The following ARMC1 variants were observed in gnomAD, a reference collection of about 807,000 sequenced individuals.
ARMC1 encodes armadillo repeat containing 1.
In ARMC1, 16 loss-of-function variants were observed where a neutral mutation model predicts 31.4. The ratio of observed to expected loss-of-function variants is 0.51; its 90% CI spans 0.34 to 0.77. The LOEUF (loss-of-function observed/expected upper bound fraction) is 0.77, where lower values mean the gene tolerates loss of function less well. Among genes scored for constraint, ARMC1 ranks in the 30% least tolerant of loss-of-function variants. The probability of loss-of-function intolerance (pLI) is 0.01; values close to 1 mark genes in which losing one functional copy is unlikely to be tolerated. For synonymous variants in ARMC1, 114 were observed against 118.9 expected, an observed-to-expected ratio of 0.96 and a Z score of 0.27; for missense variants, 259 against 347.5, an observed-to-expected ratio of 0.75 and a Z score of 2.02.
intron 1 of ARMC1, among the ~76,000 whole-genome samples, chr8:65,631,833 T>C (rs1563422574): frequency 6.7e-6 from 1 of 150,226 alleles, no homozygotes; most frequent in Admixed American, 6.7e-5. Flanking sequence ...ATCTTGCCTG[T>C]GAACAGCCAC....
chr8:65,617,734 A>G (rs934653096), intron 3 of ARMC1, among the ~76,000 whole-genome samples: 1 of 151,816 alleles, frequency 6.6e-6, no homozygotes, highest in African/African-American at 2.4e-5. Context: ...TACTACGCTC[A>G]CTCTCCGGGT....
chr8:65,629,194 T>C (rs1230119134), intron 1 of ARMC1, among the ~76,000 whole-genome samples: 2 of 150,726 alleles, frequency 1.3e-5, no homozygotes, highest in African/African-American at 4.9e-5. Context: ...GTGATATACA[T>C]ACACAATGAC....
rs927221782 is a variant in ARMC1 at position 65,627,359 on chromosome 8, C to A, written c.40G>T (p.Ala14Ser). The A allele has an allele frequency of 1.2e-6, 2 of 1,606,864 alleles. No individual in the cohort carries two copies. Among genetic ancestry groups the A allele is most frequent in the Admixed American group, 3.4e-5 (2 of 58,674 alleles). ...CGTAACTGGTTAACTACCGATAGAG[C>A]GTCAGGCTCTTCACTCATGGTGGAA... The part of the protein sequence containing the change: ...STSTMSEEPD[A>S]LSVVNQLRDL... Residue 14 changes from alanine to serine, a missense_variant, in exon 2 of 7, where the codon GCT (alanine) becomes TCT (serine). Physicochemically the swap from Ala to Ser is moderately conservative, Grantham distance 99 (BLOSUM62 1). Around this residue, in one of 3 missense-constraint regions of ARMC1, gnomAD observed 163 missense variants for 186.7 expected, o/e 0.87. Transcript: ENST00000276569.
In ARMC1 at chr8:65,613,347, A is replaced by T. The variant is rs900148580; in HGVS notation, c.362T>A (p.Phe121Tyr). The T allele has an allele frequency of 2.5e-6, 4 of 1,612,500 alleles. No homozygotes were observed. The African/African-American group carries it at 5.3e-5, about 22-fold the overall frequency. The change falls in exon 4 of 7, where the codon TTT (phenylalanine) becomes TAT (tyrosine). Residue 121 changes from phenylalanine (F) to tyrosine (Y), a missense_variant. This residue lies in a region of ARMC1 where 163 missense variants were observed against 186.7 expected (regional missense o/e 0.87). Coordinates refer to ENST00000276569, the MANE Select transcript of ARMC1 (RefSeq NM_018120.6). ...QSSNMADGDSFNEMNSRRRKA... is the reference protein window; with the variant it reads ...QSSNMADGDSYNEMNSRRRKA... Reference sequence around the variant, plus strand: ...CCTTCGACGTGAATTCATCTCATTAAAACTATCACCATCTGCCATATTGGA... The same window carrying T: ...CCTTCGACGTGAATTCATCTCATTATAACTATCACCATCTGCCATATTGGA...
At chr8:65,619,763 C>T (rs905203585) in intron 3 of ARMC1, among the ~76,000 whole-genome samples, 14 of 151,886 alleles carry the variant, frequency 9.2e-5, no homozygotes, top group Non-Finnish European at 1.0e-4. Context: ...ACGGGCGGAT[C>T]ACCTGAGGTC....
intron 4 of ARMC1, among the ~76,000 whole-genome samples, chr8:65,612,028 C>T (rs112004492): frequency 0.13 from 20,216 of 152,058 alleles, 1,793 homozygotes; most frequent in East Asian, 0.37. Context: ...CCTTGGCCTC[C>T]CAAAGTGCTG....
At position 65,603,880 on chromosome 8, in the gene ARMC1, C is replaced by A. The variant is rs1205582155; in HGVS notation, c.*514G>T. The A allele has an allele frequency of 2.0e-5, 3 of 152,646 alleles. No individual in the cohort carries two copies. Among genetic ancestry groups the A allele is most frequent in the Non-Finnish European group, 2.9e-5 (2 of 68,058 alleles). 9.5% of individuals were successfully genotyped at this position (152,646 alleles called of 1,614,324 possible). ...ATGTCCTTTCTATAAACACGGTTGG[C>A]AAAATAAAAAGGCACAAAAGAGGGT... On this transcript the variant is annotated 3_prime_UTR_variant, in exon 7 of 7. Coordinates refer to ENST00000276569, the MANE Select transcript of ARMC1 (RefSeq NM_018120.6).
rs1287920222 is a variant in ARMC1, at chr8:65,602,695, C to G, written c.*1699G>C. 1 of 152,078 alleles carries G rather than the reference C, an allele frequency of 6.6e-6. No homozygotes were observed. Among genetic ancestry groups the G allele is most frequent in the Non-Finnish European group, 1.5e-5 (1 of 68,014 alleles). The allele number at this position is 152,078 out of a possible 1,614,324, so 9.4% of individuals were successfully genotyped here. A position where few individuals can be genotyped will look rare whatever the true frequency, so the allele number is the denominator to read the frequency against. Reference sequence around the variant, plus strand: ...AAAATAAAATACAAATTTGTTAGAACAGTAAAGTTTGCTTTAATGGCTATA... The same window carrying G: ...AAAATAAAATACAAATTTGTTAGAAGAGTAAAGTTTGCTTTAATGGCTATA... On this transcript the variant is annotated 3_prime_UTR_variant, in exon 7 of 7. Transcript: ENST00000276569.
chr8:65,617,680 G>C (rs916064337), intron 3 of ARMC1, among the ~76,000 whole-genome samples: 4 of 151,896 alleles, frequency 2.6e-5, no homozygotes, highest in Non-Finnish European at 5.9e-5. Context: ...ACACACACTG[G>C]GAACGACTAG....
chr8:65,618,422 C>G (rs983306245), intron 3 of ARMC1, among the ~76,000 whole-genome samples: 1 of 148,974 alleles, frequency 6.7e-6, no homozygotes, highest in Non-Finnish European at 1.5e-5. Context: ...CTCGGGAGGC[C>G]GAGGCAGGAG....
At position 65,627,322 on chromosome 8, in the gene ARMC1, G is replaced by A. The variant is rs1164375540; in HGVS notation, c.77C>T (p.Ala26Val). 4 of 1,613,358 alleles carry A rather than the reference G, an allele frequency of 2.5e-6. No homozygotes were observed. Among genetic ancestry groups the A allele is most frequent in the Admixed American group, 1.7e-5 (1 of 59,836 alleles). The change falls in exon 2 of 7, where the codon GCA becomes GTA. Residue 26 changes from alanine (A) to valine (V), a missense_variant. By Grantham distance (64) the Ala-to-Val change is moderately conservative. Around this residue, in one of 3 missense-constraint regions of ARMC1, gnomAD observed 163 missense variants for 186.7 expected, o/e 0.87. Transcript: ENST00000276569. ...GATGGCTCTTCTGTTTAACGGATCT[G>A]CTGCTAGATCCCGTAACTGGTTAAC... ...SVVNQLRDLAADPLNRRAIVQ... is the reference protein window; with the variant it reads ...SVVNQLRDLAVDPLNRRAIVQ...
intron 4 of ARMC1, among the ~76,000 whole-genome samples, chr8:65,612,952 T>C (rs1233992887): frequency 6.6e-6 from 1 of 152,192 alleles, no homozygotes; most frequent in Non-Finnish European, 1.5e-5. Context: ...CCTTACTGAT[T>C]TTCTGTATGC....
chr8:65,621,192 C>A (rs1808386761), intron 3 of ARMC1, among the ~76,000 whole-genome samples: 1 of 152,170 alleles, frequency 6.6e-6, no homozygotes, highest in Non-Finnish European at 1.5e-5. Context: ...AGATACATTG[C>A]ACAGAAGATA....
chr8:65,611,704 A>C (rs1808144230), intron 4 of ARMC1, among the ~76,000 whole-genome samples: 2 of 152,022 alleles, frequency 1.3e-5, no homozygotes, highest in South Asian at 4.1e-4. Context: ...ACTTTGTTTA[A>C]CTACTTCCAA....
chr8:65,629,502 T>C (rs1808589983), intron 1 of ARMC1, among the ~76,000 whole-genome samples: 1 of 152,080 alleles, frequency 6.6e-6, no homozygotes, highest in Non-Finnish European at 1.5e-5. Flanking sequence ...TGAATATAGT[T>C]AATAATAGTG....
At chr8:65,613,221 CT>C in intron 4 of ARMC1, 22 bp downstream of exon 4, 3 of 1,536,292 alleles carry the variant, frequency 2.0e-6, no homozygotes, top group Non-Finnish European at 2.6e-6. Context: ...CATGATTTCT[CT>C]TTCCCATCTA....
At chr8:65,614,760 A>C (rs956597056) in intron 3 of ARMC1, among the ~76,000 whole-genome samples, 1 of 152,118 alleles carries the variant, frequency 6.6e-6, no homozygotes, top group Non-Finnish European at 1.5e-5. Context: ...TCTACCCTTA[A>C]GTTTTGTTCA....
intron 2 of ARMC1, 63 bp from the exon 3 acceptor site, chr8:65,622,417 C>A: frequency 7.8e-7 from 1 of 1,285,456 alleles, no homozygotes; most frequent in Non-Finnish European, 1.1e-6. Flanking sequence ...GAAACTACTA[C>A]TAATTTACTG....
Position 65,604,245 on chromosome 8 carries a change from T to A in ARMC1, c.*149A>T. On this transcript the variant is annotated 3_prime_UTR_variant, in exon 7 of 7. Transcript: ENST00000276569. ...TTTTACCACTCAGTGGGGTAAAATG[T>A]CCAATAAAACGTGAAATGCAGCATA... is the stretch of plus-strand genomic sequence containing the variant. 1 of 676,698 alleles carries A rather than the reference T, an allele frequency of 1.5e-6. No homozygotes were observed. The highest frequency in any genetic ancestry group is 2.4e-6 in the Non-Finnish European group (1 of 412,010). The allele number at this position is 676,698 out of a possible 1,614,324, so 41.9% of individuals were successfully genotyped here.
Sources: gnomAD v4.1 joint callset for allele counts (sites outside exome capture counted in the v4.1 genomes callset) on GRCh38, gnomAD v4.1.1 for gene constraint, gnomAD v4.1.1 regional missense constraint, MANE v1.5 for transcripts, NCBI Gene and HGNC (gene_info 2026-07-23, HGNC 2026-07-21) for gene names.